The following ZPBP2 variants were observed in gnomAD, a reference collection of about 807,000 sequenced individuals.
The protein encoded by ZPBP2 is zona pellucida binding protein 2.
ZPBP2 carries 34 observed loss-of-function variants against 37.5 expected under a neutral mutation model. The ratio of observed to expected loss-of-function variants is 0.91; its 90% CI spans 0.69 to 1.21. The LOEUF (loss-of-function observed/expected upper bound fraction) is 1.21, where lower values mean the gene tolerates loss of function less well. ZPBP2 is among the 50% of genes most tolerant of loss of function. The pLI is 0.00. For synonymous variants in ZPBP2, 143 were observed against 138.4 expected (o/e 1.03, Z -0.23); for missense variants, 397 against 413.5 (o/e 0.96, Z 0.35).
At chr17:39,876,518 A>G (rs2063391345) in intron 7 of ZPBP2, among the ~76,000 whole-genome samples, 164 bp from the exon 8 acceptor site, 1 of 152,178 alleles carries the variant, frequency 6.6e-6, no homozygotes, top group Admixed American at 6.5e-5. Flanking sequence ...AAACTCACAT[A>G]ATCTTCCACA....
At position 39,872,476 on chromosome 17, in the gene ZPBP2, A is replaced by G. The variant is rs1299760883; in HGVS notation, c.613A>G (p.Ile205Val). The change falls in exon 5 of 8, where the codon ATA becomes GTA. Residue 205 changes from isoleucine (I) to valine (V), a missense_variant. Coordinates refer to ENST00000348931, the MANE Select transcript of ZPBP2 (RefSeq NM_199321.3). ...PEHGLIHELF[I>V]AFQVNPFAPG... ...ACATGGCCTCATACATGAGCTATTTATAGCATTTCAAGGTAAAATTTTTAA... is the reference window on the plus strand; with the variant it reads ...ACATGGCCTCATACATGAGCTATTTGTAGCATTTCAAGGTAAAATTTTTAA... 1.9e-6 allele frequency: 3 copies of G among 1,594,162 alleles called. No individual in the cohort carries two copies. The highest frequency in any genetic ancestry group is 2.2e-5 in the East Asian group (1 of 44,558).
intron 6 of ZPBP2, among the ~76,000 whole-genome samples, chr17:39,874,203 G>A (rs887791587): frequency 6.6e-6 from 1 of 151,948 alleles, no homozygotes; most frequent in Admixed American, 6.6e-5. Context: ...ATGTTGGCTA[G>A]GTTGGTCTCA....
chr17:39,868,923 T>G (rs1358598564), intron 2 of ZPBP2, among the ~76,000 whole-genome samples: 4 of 152,096 alleles, frequency 2.6e-5, no homozygotes, highest in African/African-American at 4.8e-5. Context: ...CGCAAAGGAG[T>G]GATTTCCAAG....
chr17:39,868,370 G>A lies in ZPBP2; in HGVS notation c.16G>A (p.Val6Ile), dbSNP rs747417042. 7.5e-6 allele frequency: 12 copies of A among 1,610,102 alleles called. No homozygotes were observed. In the South Asian group the frequency reaches 1.3e-4, roughly 18 times the overall value. Residue 6 changes from valine (V) to isoleucine (I), a missense_variant, in exon 1 of 8, where the codon GTC becomes ATC. Val to Ile is a conservative substitution (Grantham distance 29). Coordinates refer to ENST00000348931, the MANE Select transcript of ZPBP2 (RefSeq NM_199321.3). MMRTC[V>I]LLSAVLWCLT... ...CCCCTGAGCGATGATGCGAACGTGC[G>A]TCCTACTCTCCGCGGTGCTCTGGTG... is the stretch of plus-strand genomic sequence containing the variant.
At chr17:39,875,210 A>G (rs1167929726) in intron 6 of ZPBP2, 44 bp from the exon 7 acceptor site, 1 of 1,565,210 alleles carries the variant, frequency 6.4e-7, no homozygotes, top group Non-Finnish European at 8.7e-7. Flanking sequence ...AATTTGGTTC[A>G]TGGTTTAGTA....
Position 39,872,384 on chromosome 17 carries a change from T to G in ZPBP2, c.521T>G (p.Leu174Arg). ...GTGCTGAAGAAAATCTTGGATAGTC[T>G]AATTTCTGATTTGTCATGCCATGTC... ...FRVLKKILDSLISDLSCHVIE... is the reference protein window; with the variant it reads ...FRVLKKILDSRISDLSCHVIE... The change falls in exon 5 of 8, where the codon CTA becomes CGA. Residue 174 changes from leucine to arginine, a missense_variant. Coordinates refer to ENST00000348931, the MANE Select transcript of ZPBP2 (RefSeq NM_199321.3). 1 of 1,613,586 alleles carries G rather than the reference T, an allele frequency of 6.2e-7. No individual in the cohort carries two copies.
intron 2 of ZPBP2, among the ~76,000 whole-genome samples, chr17:39,869,405 C>CTTTTT (rs1555647285): frequency 8.7e-5 from 10 of 115,126 alleles, no homozygotes; most frequent in East Asian, 2.3e-4. Flanking sequence ...TTCCTTCCTT[C>CTTTTT]TTTTTTTTTT....
In ZPBP2 at chr17:39,875,374, A is replaced by T; in HGVS notation, c.829A>T (p.Ser277Cys). 1 of 1,614,038 alleles carries T rather than the reference A, an allele frequency of 6.2e-7. No homozygotes were observed. The highest frequency in any genetic ancestry group is 1.3e-5 in the African/African-American group (1 of 75,048). Reference protein sequence around the residue: ...DHSLQVVRLDSCRPGFGKNER... With the variant: ...DHSLQVVRLDCCRPGFGKNER... ...CAGTTTGCAAGTAGTACGTCTGGAT[A>T]GCTGTCGACCAGGCTTTGGAAAAAA... is the stretch of plus-strand genomic sequence containing the variant. The change falls in exon 7 of 8, where the codon AGC becomes TGC. Residue 277 changes from serine to cysteine, a missense_variant. Ser to Cys is a moderately radical substitution (Grantham distance 112). Coordinates refer to ENST00000348931, the MANE Select transcript of ZPBP2 (RefSeq NM_199321.3).
chr17:39,874,738 T>G (rs2063381323), intron 6 of ZPBP2, among the ~76,000 whole-genome samples: 1 of 152,160 alleles, frequency 6.6e-6, no homozygotes, highest in East Asian at 1.9e-4. Flanking sequence ...CAGCCTAATC[T>G]TAATTTTAAT....
Position 39,873,069 on chromosome 17 carries a change from A to T in ZPBP2, c.651A>T (p.Lys217Asn). The T allele has an allele frequency of 6.2e-7, 1 of 1,611,868 alleles. No individual in the cohort carries two copies. Among genetic ancestry groups the T allele is most frequent in the Non-Finnish European group, 8.5e-7 (1 of 1,179,124 alleles). Residue 217 changes from lysine to asparagine, a missense_variant, in exon 6 of 8, where the codon AAA becomes AAT. Physicochemically the swap from Lys to Asn is moderately conservative, Grantham distance 94. Transcript: ENST00000348931. ...FQVNPFAPGWKGACNGSVDCE... is the reference protein window; with the variant it reads ...FQVNPFAPGWNGACNGSVDCE... ...TTAATCCTTTTGCGCCGGGGTGGAA[A>T]GGTGCTTGCAATGGATCTGTTGACT...
At chr17:39,874,783 G>A (rs938634032) in intron 6 of ZPBP2, among the ~76,000 whole-genome samples, 13 of 151,842 alleles carry the variant, frequency 8.6e-5, no homozygotes, top group African/African-American at 2.7e-4. Context: ...ACGGGGTCTC[G>A]CTCTGTCGCC....
chr17:39,873,755 A>C (rs897396102), intron 6 of ZPBP2, among the ~76,000 whole-genome samples: 2 of 152,050 alleles, frequency 1.3e-5, no homozygotes, highest in African/African-American at 4.8e-5. Flanking sequence ...CCAAAATTAT[A>C]TCTATATTGG....
In ZPBP2 at chr17:39,875,363, T is replaced by A; in HGVS notation, c.818T>A (p.Val273Glu). ...TTTGTGGACCACAGTTTGCAAGTAG[T>A]ACGTCTGGATAGCTGTCGACCAGGC... ...MHFVDHSLQVVRLDSCRPGFG... is the reference protein window; with the variant it reads ...MHFVDHSLQVERLDSCRPGFG... The change falls in exon 7 of 8, where the codon GTA becomes GAA. Residue 273 changes from valine to glutamate, a missense_variant. Val to Glu is a moderately radical substitution (Grantham distance 121, BLOSUM62 -2). Transcript: ENST00000348931. The A allele has an allele frequency of 6.2e-7, 1 of 1,614,108 alleles. No homozygotes were observed. The highest frequency in any genetic ancestry group is 8.5e-7 in the Non-Finnish European group (1 of 1,180,000).
chr17:39,875,376 C>G lies in ZPBP2; in HGVS notation c.831C>G (p.Ser277Arg). 6.2e-7 allele frequency: 1 copy of G among 1,613,994 alleles called. No individual in the cohort carries two copies. The highest frequency in any genetic ancestry group is 2.2e-5 in the East Asian group (1 of 44,880). The change falls in exon 7 of 8, where the codon AGC (serine) becomes AGG (arginine). Residue 277 changes from serine (S) to arginine (R), a missense_variant. Transcript: ENST00000348931. ...GTTTGCAAGTAGTACGTCTGGATAGCTGTCGACCAGGCTTTGGAAAAAATG... is the reference window on the plus strand; with the variant it reads ...GTTTGCAAGTAGTACGTCTGGATAGGTGTCGACCAGGCTTTGGAAAAAATG... ...DHSLQVVRLD[S>R]CRPGFGKNER...
chr17:39,876,375 T>C (rs2063390700), intron 7 of ZPBP2, among the ~76,000 whole-genome samples: 1 of 152,010 alleles, frequency 6.6e-6, no homozygotes. Context: ...AACTAGGAAA[T>C]AGGAACTAGA....
rs1352092683 is a variant in ZPBP2, at chr17:39,877,173, G to A, written c.*364G>A. ...TATTTATTTGTTTGGAATCACTCTT[G>A]TGTGATATAAAGGCGTGTATATTAT... On this transcript the variant is annotated 3_prime_UTR_variant, in exon 8 of 8. Transcript: ENST00000348931. 1 of 163,864 alleles carries A rather than the reference G, an allele frequency of 6.1e-6. No homozygotes were observed. The highest frequency in any genetic ancestry group is 2.4e-5 in the African/African-American group (1 of 41,732). The allele number at this position is 163,864 out of a possible 1,614,324, so 10.2% of individuals were successfully genotyped here. A position where few individuals can be genotyped will look rare whatever the true frequency, so the allele number is the denominator to read the frequency against.
intron 2 of ZPBP2, among the ~76,000 whole-genome samples, chr17:39,869,993 C>T (rs899370745): frequency 6.6e-6 from 1 of 152,116 alleles, no homozygotes; most frequent in African/African-American, 2.4e-5. Flanking sequence ...GGATTACAGG[C>T]ATGAGCCACC....
Position 39,874,525 on chromosome 17 carries a change from G to A in ZPBP2, c.709-729G>A, listed in dbSNP as rs556453701. 9.2e-5 allele frequency among the ~76,000 whole-genome samples: 14 copies of A among 152,196 alleles called. No individual in the cohort carries two copies. In the South Asian group the frequency reaches 2.9e-3, roughly 32 times the overall value. ...TCAGCTCACTGCAACCTCTGCCTCT[G>A]GATTCAAGTGATTCTTGTGCCTCAG... On this transcript the variant is annotated intron_variant, in intron 6 of 7. Transcript: ENST00000348931.
At chr17:39,871,018 C>T (rs1400111103) in intron 3 of ZPBP2, among the ~76,000 whole-genome samples, 199 bp downstream of exon 3, 1 of 151,994 alleles carries the variant, frequency 6.6e-6, no homozygotes, top group Admixed American at 6.5e-5. Context: ...ATTTTTGTGC[C>T]CTGCTTCTCA....
Sources: allele counts gnomAD v4.1 joint callset (sites outside exome capture counted in the v4.1 genomes callset), GRCh38; gene constraint gnomAD v4.1.1; transcripts MANE v1.5; gene names NCBI Gene and HGNC (gene_info 2026-07-23, HGNC 2026-07-21).